Variants in SLCO3A1 observed in about 807,000 individuals in gnomAD.
SLCO3A1 encodes the protein PGE1 transporter.
SLCO3A1 carries 27 observed loss-of-function variants against 63.1 expected under a neutral mutation model. That is an observed-to-expected ratio of 0.43 (90% CI 0.32 to 0.59). The LOEUF (loss-of-function observed/expected upper bound fraction) is 0.59. Ranked by LOEUF, SLCO3A1 falls within the 20% of genes least tolerant of loss-of-function variation. The pLI is 0.09. For synonymous variants in SLCO3A1, 473 were observed against 409.9 expected, an observed-to-expected ratio of 1.15 and a Z score of -1.86; for missense variants, 773 against 945.8, an observed-to-expected ratio of 0.82 and a Z score of 2.40.
intron 2 of SLCO3A1, among the ~76,000 whole-genome samples, chr15:92,040,484 A>G (rs902941026): frequency 6.6e-6 from 1 of 152,204 alleles, no homozygotes; most frequent in East Asian, 1.9e-4. Flanking sequence ...AAATGAGAGC[A>G]ATCATGTTAT....
chr15:92,109,533 G>A (rs80013746), intron 4 of SLCO3A1, among the ~76,000 whole-genome samples: 2,109 of 152,254 alleles, frequency 0.014, 57 homozygotes, highest in African/African-American at 0.048. Context: ...GAGTGTAACC[G>A]CACCAGAGGT....
At chr15:92,027,565 T>C (rs2046590847) in intron 2 of SLCO3A1, among the ~76,000 whole-genome samples, 1 of 152,240 alleles carries the variant, frequency 6.6e-6, no homozygotes, top group Non-Finnish European at 1.5e-5. Flanking sequence ...AGCACCGCAG[T>C]GCTCTCTAAG....
intron 7 of SLCO3A1, among the ~76,000 whole-genome samples, chr15:92,136,212 G>A (rs2048055295): frequency 6.6e-6 from 1 of 152,198 alleles, no homozygotes; most frequent in Non-Finnish European, 1.5e-5. Context: ...TACCTTTCAA[G>A]TTTCCATAGA....
intron 2 of SLCO3A1, among the ~76,000 whole-genome samples, chr15:91,976,881 G>A (rs1901133791): frequency 6.6e-6 from 1 of 152,102 alleles, no homozygotes; most frequent in Non-Finnish European, 1.5e-5. Flanking sequence ...GGCAAAGGGA[G>A]GCAGGGCGAG....
chr15:92,138,309 GCTCTGTTCTGTTCCATTGATCTATAT>G (rs2048085163), intron 7 of SLCO3A1, among the ~76,000 whole-genome samples: 1 of 81,374 alleles, frequency 1.2e-5, no homozygotes, highest in Non-Finnish European at 2.2e-5. Flanking sequence ...ATTTCTGAGG[GCTCTGTTCTGTTCCATTGATCTATAT>G]CTCTGTTTTG....
intron 2 of SLCO3A1, among the ~76,000 whole-genome samples, chr15:92,044,324 C>G (rs544479209): frequency 2.2e-4 from 34 of 152,322 alleles, no homozygotes; most frequent in Admixed American, 2.2e-3. Context: ...GTTCCTCTCT[C>G]TGGGAACTTA....
In SLCO3A1 at chr15:91,942,723, C is replaced by T. The variant is rs1899665528; in HGVS notation, c.646+26265C>T. ...AGCTGGAATTACAGGCGTGCACCACCACGCCCGGCTAATTTTTGAAAAGAG... is the reference window on the plus strand; with the variant it reads ...AGCTGGAATTACAGGCGTGCACCACTACGCCCGGCTAATTTTTGAAAAGAG... On this transcript the variant is annotated intron_variant, in intron 2 of 9. Coordinates refer to ENST00000318445, the MANE Select transcript of SLCO3A1 (RefSeq NM_013272.4). This position sits in a 1 kb window ranked among gnomAD's most constrained non-coding sequence, Gnocchi z 4.1. Among the ~76,000 whole-genome samples the T allele has an allele frequency of 1.3e-5, 2 of 152,124 alleles. No homozygotes were observed. The highest frequency in any genetic ancestry group is 1.3e-4 in the Admixed American group (2 of 15,276).
Position 91,912,069 on chromosome 15 carries a change from G to A in SLCO3A1, c.181-3924G>A, listed in dbSNP as rs1435934126. On this transcript the variant is annotated intron_variant, in intron 1 of 9. Transcript: ENST00000318445. The surrounding 1 kb of genome is among the most constrained non-coding windows in gnomAD (Gnocchi z 5.0). ...TATACACTTGGTTCAGGATAAGGAC[G>A]CTTCCTCTTTCCTTTTCCTCTTGCA... Among the ~76,000 whole-genome samples the A allele has an allele frequency of 6.6e-6, 1 of 151,716 alleles. No individual in the cohort carries two copies. Among genetic ancestry groups the A allele is most frequent in the Non-Finnish European group, 1.5e-5 (1 of 67,990 alleles).
At chr15:92,072,206 T>G (rs982596923) in intron 2 of SLCO3A1, among the ~76,000 whole-genome samples, 10 of 151,868 alleles carry the variant, frequency 6.6e-5, no homozygotes, top group East Asian at 1.9e-4. Flanking sequence ...TTTTTGGTTT[T>G]TTTTTTTTTT....
intron 3 of SLCO3A1, among the ~76,000 whole-genome samples, chr15:92,102,397 A>C (rs2047616502): frequency 6.6e-6 from 1 of 152,110 alleles, no homozygotes; most frequent in Non-Finnish European, 1.5e-5. Context: ...AGTGAGAATA[A>C]CAAGATCTCT....
chr15:91,995,711 A>T (rs2151448198), intron 2 of SLCO3A1, among the ~76,000 whole-genome samples: 1 of 149,440 alleles, frequency 6.7e-6, no homozygotes, highest in East Asian at 2.0e-4. Flanking sequence ...AAAAAGTTAT[A>T]CATACCTTGA....
intron 2 of SLCO3A1, among the ~76,000 whole-genome samples, chr15:92,014,024 G>A (rs879933935): frequency 1.3e-5 from 2 of 152,106 alleles, no homozygotes; most frequent in African/African-American, 2.4e-5. Flanking sequence ...CATCTTTTCT[G>A]GACCAGGAGG....
intron 2 of SLCO3A1, among the ~76,000 whole-genome samples, chr15:91,996,053 G>A (rs530461256): frequency 6.6e-6 from 1 of 151,996 alleles, no homozygotes; most frequent in Admixed American, 6.5e-5. Context: ...AACAAAATAA[G>A]ATTAGAAAAG....
At chr15:92,072,285 C>G (rs182885125) in intron 2 of SLCO3A1, among the ~76,000 whole-genome samples, 14 of 151,030 alleles carry the variant, frequency 9.3e-5, no homozygotes, top group Non-Finnish European at 1.5e-4. Context: ...CCATTATTTA[C>G]TCAACCTTTG....
chr15:92,120,404 A>G (rs956146345), intron 4 of SLCO3A1, 61 bp from the exon 5 acceptor site: 5 of 1,541,098 alleles, frequency 3.2e-6, no homozygotes, highest in Middle Eastern at 1.7e-4. Flanking sequence ...GCAGGGAGCT[A>G]TAAGATGGGA....
intron 5 of SLCO3A1, among the ~76,000 whole-genome samples, chr15:92,122,993 A>C (rs1282342582): frequency 6.6e-6 from 1 of 152,240 alleles, no homozygotes; most frequent in East Asian, 1.9e-4. Flanking sequence ...GAGGCACACC[A>C]GGGAGCCTCC....
chr15:91,993,981 TCCAGCC>T (rs1240029526), intron 2 of SLCO3A1, among the ~76,000 whole-genome samples: 1 of 152,212 alleles, frequency 6.6e-6, no homozygotes, highest in Non-Finnish European at 1.5e-5. Flanking sequence ...AAGCAGGTCT[TCCAGCC>T]CCAGGCAAGC....
At position 91,941,480 on chromosome 15, in the gene SLCO3A1, ACT is replaced by A. The variant is rs1567196439; in HGVS notation, c.646+25025_646+25026del. ...TGGCCTTAGGGAAGGACAAACTTCA[ACT>A]CTGAGCCTTGATTGAGTGACCTTGG... On this transcript the variant is annotated intron_variant, in intron 2 of 9. Coordinates refer to ENST00000318445, the MANE Select transcript of SLCO3A1 (RefSeq NM_013272.4). The surrounding 1 kb of genome is among the most constrained non-coding windows in gnomAD (Gnocchi z 4.4). The A allele has an allele frequency of 2.2e-6, 1 of 452,872 alleles. No individual in the cohort carries two copies. The highest frequency in any genetic ancestry group is 2.0e-5 in the African/African-American group (1 of 49,638). The allele number at this position is 452,872 out of a possible 1,614,324, so 28.1% of individuals were successfully genotyped here. A position where few individuals can be genotyped will look rare whatever the true frequency, so the allele number is the denominator to read the frequency against.
downstream of SLCO3A1, among the ~76,000 whole-genome samples, chr15:92,168,972 G>A (rs1429249474): frequency 6.6e-6 from 1 of 152,154 alleles, no homozygotes; most frequent in Non-Finnish European, 1.5e-5. Flanking sequence ...ATACCAAAGA[G>A]TATTTTCCAA....
Sources: allele counts gnomAD v4.1 joint callset (sites outside exome capture counted in the v4.1 genomes callset), GRCh38; gene constraint gnomAD v4.1.1; non-coding constraint Gnocchi (gnomAD v3.1); transcripts MANE v1.5; gene names NCBI Gene and HGNC (gene_info 2026-07-23, HGNC 2026-07-21).